The following SYCP2L variants were observed in gnomAD, a reference collection of about 807,000 sequenced individuals.
The protein encoded by SYCP2L is synaptonemal complex protein 2 like, also known as synaptonemal complex protein 2-like.
In SYCP2L, 98 loss-of-function variants were observed where a neutral mutation model predicts 125.8. That is an observed-to-expected ratio of 0.78 (90% CI 0.66 to 0.92). The LOEUF (loss-of-function observed/expected upper bound fraction) is 0.92, where lower values mean the gene tolerates loss of function less well. Among genes scored for constraint, SYCP2L ranks in the 40% least tolerant of loss-of-function variants. SYCP2L has a pLI of 0.00. For synonymous variants in SYCP2L, 317 were observed against 325.4 expected (o/e 0.97, Z 0.28); for missense variants, 842 against 936.4 (o/e 0.90, Z 1.32).
At position 10,898,858 on chromosome 6, in the gene SYCP2L, T is replaced by C; in HGVS notation, c.466+10T>C. ...AGGAGTAGTAGTGAAGGTAAGTATATTATTGGCTACTAATTGGCTATTAAT... is the reference window on the plus strand; with the variant it reads ...AGGAGTAGTAGTGAAGGTAAGTATACTATTGGCTACTAATTGGCTATTAAT... On this transcript the variant is annotated intron_variant, in intron 6 of 29. Transcript: ENST00000283141. 1 of 1,366,842 alleles carries C rather than the reference T, an allele frequency of 7.3e-7. No individual in the cohort carries two copies. The highest frequency in any genetic ancestry group is 1.0e-6 in the Non-Finnish European group (1 of 962,482). 84.7% of individuals were successfully genotyped at this position (1,366,842 alleles called of 1,614,324 possible). A position where few individuals can be genotyped will look rare whatever the true frequency, so the allele number is the denominator to read the frequency against.
At chr6:10,909,990 G>T (rs1290778614) in intron 10 of SYCP2L, among the ~76,000 whole-genome samples, 158 bp from the exon 11 acceptor site, 4 of 152,206 alleles carry the variant, frequency 2.6e-5, no homozygotes, top group Non-Finnish European at 4.4e-5. Flanking sequence ...GTGGCATGAA[G>T]TATTGTTAAC....
At chr6:10,967,276 GA>G (rs1012665341) in intron 29 of SYCP2L, among the ~76,000 whole-genome samples, 4 of 151,800 alleles carry the variant, frequency 2.6e-5, no homozygotes, top group East Asian at 3.9e-4. Context: ...AGGAAAAAGG[GA>G]AAAAAAGAAA....
intron 29 of SYCP2L, among the ~76,000 whole-genome samples, chr6:10,973,378 C>T (rs756268555): frequency 3.9e-5 from 6 of 152,082 alleles, no homozygotes; most frequent in Admixed American, 6.5e-5. Context: ...ACTAAAAATA[C>T]GAAAATTAGC....
In SYCP2L at chr6:10,935,073, C is replaced by A. The variant is rs1781068397; in HGVS notation, c.1699C>A (p.Pro567Thr). 2 of 1,609,442 alleles carry A rather than the reference C, an allele frequency of 1.2e-6. No homozygotes were observed. The highest frequency in any genetic ancestry group is 2.7e-5 in the African/African-American group (2 of 74,752). The change falls in exon 21 of 30, where the codon CCA (proline) becomes ACA (threonine). Residue 567 changes from proline to threonine, a missense_variant. Coordinates refer to ENST00000283141, the MANE Select transcript of SYCP2L (RefSeq NM_001040274.3). The stretch of plus-strand genomic sequence containing the variant: ...TATATTTTAGGCTAAGCTTCTATCA[C>A]CATCAGAGAAAGAAATACCCGAGCA... Reference protein sequence around the residue: ...HEKDQAKLLSPSEKEIPEQNN... With the variant: ...HEKDQAKLLSTSEKEIPEQNN...
At position 10,900,358 on chromosome 6, in the gene SYCP2L, C is replaced by CT. The variant is rs1241224571; in HGVS notation, c.466+1523dup. On this transcript the variant is annotated intron_variant, in intron 6 of 29. Coordinates refer to ENST00000283141, the MANE Select transcript of SYCP2L (RefSeq NM_001040274.3). ...GAGCTCTTTCTTTTTCTTTTCTTTT[C>CT]TTTTTTTTTTTTTGAGACAGAGTCT... is the stretch of plus-strand genomic sequence containing the variant. 2.5e-3 allele frequency among the ~76,000 whole-genome samples: 317 copies of CT among 127,956 alleles called. 1 individual carries two copies. The highest frequency in any genetic ancestry group is 2.4e-3 in the African/African-American group (90 of 38,070). 83.9% of individuals were successfully genotyped at this position (127,956 alleles called of 152,430 possible). A position where few individuals can be genotyped will look rare whatever the true frequency, so the allele number is the denominator to read the frequency against.
At chr6:10,958,281 T>C (rs1781538867) in intron 25 of SYCP2L, among the ~76,000 whole-genome samples, 1 of 152,124 alleles carries the variant, frequency 6.6e-6, no homozygotes, top group Non-Finnish European at 1.5e-5. Context: ...GGCACTGGCA[T>C]CTGCTTGGCT....
At chr6:10,889,532 A>C (rs927441190) in intron 1 of SYCP2L, among the ~76,000 whole-genome samples, 4 of 151,220 alleles carry the variant, frequency 2.6e-5, no homozygotes, top group Non-Finnish European at 5.9e-5. Flanking sequence ...GCTAGCTGTA[A>C]TTTTGTGTTC....
At chr6:10,934,722 C>G (rs1381754143) in intron 20 of SYCP2L, among the ~76,000 whole-genome samples, 2 of 152,182 alleles carry the variant, frequency 1.3e-5, no homozygotes, top group Non-Finnish European at 2.9e-5. Flanking sequence ...CTGTAAGATT[C>G]TTTCCAACTG....
intron 1 of SYCP2L, among the ~76,000 whole-genome samples, chr6:10,889,949 A>T (rs1322548100): frequency 1.3e-5 from 2 of 152,102 alleles, no homozygotes; most frequent in East Asian, 3.9e-4. Flanking sequence ...TCTACATGTG[A>T]TCAAGAACAT....
At chr6:10,966,071 C>T (rs954896861) in intron 29 of SYCP2L, among the ~76,000 whole-genome samples, 2 of 152,108 alleles carry the variant, frequency 1.3e-5, no homozygotes, top group Non-Finnish European at 2.9e-5. Context: ...TGAAGTCATG[C>T]CACTGCACTC....
chr6:10,968,888 T>TTC (rs2113432494), intron 29 of SYCP2L, among the ~76,000 whole-genome samples: 1 of 152,316 alleles, frequency 6.6e-6, no homozygotes, highest in East Asian at 1.9e-4. Context: ...TTCTGCTGAA[T>TTC]GGTCCATCAG....
chr6:10,954,177 G>A lies in SYCP2L; in HGVS notation c.1955-939G>A, dbSNP rs571037405. On this transcript the variant is annotated intron_variant, in intron 23 of 29. Coordinates refer to ENST00000283141, the MANE Select transcript of SYCP2L (RefSeq NM_001040274.3). The surrounding 1 kb of genome is among the most constrained non-coding windows in gnomAD (Gnocchi z 4.8). ...ACCAACAGCAACTAGACAGGCATGTGACAAAAGAGAAGTCAGATGATGTCA... is the reference window on the plus strand; with the variant it reads ...ACCAACAGCAACTAGACAGGCATGTAACAAAAGAGAAGTCAGATGATGTCA... 1.9e-4 allele frequency among the ~76,000 whole-genome samples: 29 copies of A among 152,358 alleles called. No individual in the cohort carries two copies. Among genetic ancestry groups the A allele is most frequent in the African/African-American group, 7.0e-4 (29 of 41,580 alleles).
intron 14 of SYCP2L, among the ~76,000 whole-genome samples, chr6:10,918,183 G>A (rs1171600722): frequency 2.0e-5 from 3 of 147,550 alleles, no homozygotes; most frequent in Non-Finnish European, 4.5e-5. Flanking sequence ...GGACGACAGA[G>A]CGAGACTCCA....
At chr6:10,946,634 A>G (rs1781318544) in intron 23 of SYCP2L, among the ~76,000 whole-genome samples, 2 of 152,180 alleles carry the variant, frequency 1.3e-5, no homozygotes, top group African/African-American at 2.4e-5. Context: ...TCTGTCATAC[A>G]TCAAAGAAAT....
chr6:10,936,392 G>C (rs997439132), intron 21 of SYCP2L, among the ~76,000 whole-genome samples: 2 of 152,042 alleles, frequency 1.3e-5, no homozygotes, highest in African/African-American at 4.8e-5. Flanking sequence ...AGCTACTCGG[G>C]AGGCTGAGAC....
rs1295404312 is a variant in SYCP2L, at chr6:10,971,474, AAG to A, written c.*38-2476_*38-2475del. ...CTCTGTCTCAAAAAAAAAAAAAAAA[AAG>A]AAAGAAAGAAAGATAGGAGTTACTT... is the stretch of plus-strand genomic sequence containing the variant. On this transcript the variant is annotated intron_variant, in intron 29 of 29. Coordinates refer to ENST00000283141, the MANE Select transcript of SYCP2L (RefSeq NM_001040274.3). Among the ~76,000 whole-genome samples, 12 of 150,502 alleles carry A rather than the reference AAG, an allele frequency of 8.0e-5. No homozygotes were observed. The South Asian group carries it at 1.9e-3, about 24-fold the overall frequency.
intron 15 of SYCP2L, among the ~76,000 whole-genome samples, chr6:10,925,066 G>T (rs1780873472): frequency 6.6e-6 from 1 of 152,272 alleles, no homozygotes; most frequent in South Asian, 2.1e-4. Flanking sequence ...AAGGAAAGAG[G>T]TTTAATGGAC....
intron 21 of SYCP2L, among the ~76,000 whole-genome samples, chr6:10,940,519 C>T (rs1320259450): frequency 2.0e-5 from 3 of 152,068 alleles, no homozygotes; most frequent in Non-Finnish European, 4.4e-5. Flanking sequence ...GAAATCAGGC[C>T]ATATGCAACA....
intron 26 of SYCP2L, among the ~76,000 whole-genome samples, chr6:10,960,374 T>C (rs1213124658): frequency 6.6e-6 from 1 of 152,200 alleles, no homozygotes; most frequent in Non-Finnish European, 1.5e-5. Flanking sequence ...CACACAGTTA[T>C]CTGTGTATTC....
Sources: gnomAD v4.1 joint callset for allele counts (sites outside exome capture counted in the v4.1 genomes callset) on GRCh38, gnomAD v4.1.1 for gene constraint, Gnocchi (gnomAD v3.1) non-coding constraint, MANE v1.5 for transcripts, NCBI Gene and HGNC (gene_info 2026-07-23, HGNC 2026-07-21) for gene names.